Variants in DLEU7 observed in about 807,000 individuals in gnomAD.
The protein encoded by DLEU7 is deleted in lymphocytic leukemia 7.
In DLEU7, 17 loss-of-function variants were observed where a neutral mutation model predicts 16.0. That is an observed-to-expected ratio of 1.06 (90% CI 0.73 to 1.59). DLEU7 has a LOEUF of 1.59. Among genes scored for constraint, DLEU7 ranks in the 40% most tolerant of loss-of-function variants. The probability of loss-of-function intolerance (pLI) is 0.00; values close to 1 mark genes in which losing one functional copy is unlikely to be tolerated. For synonymous variants in DLEU7, 113 were observed against 139.8 expected (o/e 0.81, Z 1.35); for missense variants, 308 against 314.9 (o/e 0.98, Z 0.17).
intron 1 of DLEU7, among the ~76,000 whole-genome samples, chr13:50,830,819 C>G (rs2137808700): frequency 6.6e-6 from 1 of 152,238 alleles, no homozygotes; most frequent in South Asian, 2.1e-4. Context: ...CTCTCCAAGT[C>G]ATTACAAAGA....
At chr13:50,730,033 GA>G (rs997239211) in intron 1 of DLEU7, among the ~76,000 whole-genome samples, 19 of 150,536 alleles carry the variant, frequency 1.3e-4, no homozygotes, top group East Asian at 3.9e-4. Context: ...GAGTAAGCTA[GA>G]AAAAAAAAGA....
At chr13:50,748,373 T>C (rs980650646) in intron 1 of DLEU7, among the ~76,000 whole-genome samples, 2 of 151,874 alleles carry the variant, frequency 1.3e-5, no homozygotes, top group Non-Finnish European at 2.9e-5. Context: ...CCCTGGGTCA[T>C]TGGTAAATTA....
intron 1 of DLEU7, among the ~76,000 whole-genome samples, chr13:50,752,399 T>A (rs1030390530): frequency 2.0e-5 from 3 of 151,274 alleles, no homozygotes; most frequent in African/African-American, 7.3e-5. Context: ...ACTTTCCACT[T>A]AGCACCACCT....
In DLEU7 at chr13:50,726,937, G is replaced by A. The variant is rs1021221636; in HGVS notation, c.460-13697C>T. On this transcript the variant is annotated intron_variant, in intron 1 of 1. Transcript: ENST00000400393. The surrounding 1 kb of genome is among the most constrained non-coding windows in gnomAD (Gnocchi z 4.0). ...ATCAGCAAGAGGCAAGAGGAAAGTG[G>A]GGGCACGGGGAAGGTGAAATTATTT... Among the ~76,000 whole-genome samples, 1 of 152,110 alleles carries A rather than the reference G, an allele frequency of 6.6e-6. No homozygotes were observed. Among genetic ancestry groups the A allele is most frequent in the Admixed American group, 6.5e-5 (1 of 15,274 alleles).
chr13:50,713,348 A>C, intron 1 of DLEU7: 1 of 1,348,710 alleles, frequency 7.4e-7, no homozygotes, highest in Non-Finnish European at 1.0e-6. Flanking sequence ...GAATGGCATT[A>C]GGTACTGGAG....
intron 1 of DLEU7, among the ~76,000 whole-genome samples, chr13:50,781,486 A>G (rs1435836885): frequency 6.6e-6 from 1 of 152,204 alleles, no homozygotes; most frequent in Non-Finnish European, 1.5e-5. Flanking sequence ...CACCGCCAAC[A>G]TCCCTAGACA....
chr13:50,714,059 A>G (rs1375238468), intron 1 of DLEU7, among the ~76,000 whole-genome samples: 1 of 152,236 alleles, frequency 6.6e-6, no homozygotes, highest in Non-Finnish European at 1.5e-5. Flanking sequence ...AAACCACAAA[A>G]CACAGAAAGG....
chr13:50,813,776 CAGTATATTTTAGTCTGAACTCCAGA>C (rs559453431), intron 1 of DLEU7, among the ~76,000 whole-genome samples: 2,703 of 152,030 alleles, frequency 0.018, 38 homozygotes, highest in East Asian at 0.037. Flanking sequence ...ATCAAATAAG[CAGTATATTTTAGTCTGAACTCCAGA>C]AAAATGCATT....
chr13:50,819,923 C>A (rs189849126), downstream of DLEU7, among the ~76,000 whole-genome samples: 3 of 152,100 alleles, frequency 2.0e-5, no homozygotes, highest in East Asian at 5.8e-4. Flanking sequence ...AGAAAAGGAC[C>A]AAAACTGAGC....
intron 1 of DLEU7, among the ~76,000 whole-genome samples, chr13:50,794,823 T>A (rs1202762835): frequency 6.6e-6 from 1 of 152,132 alleles, no homozygotes; most frequent in Non-Finnish European, 1.5e-5. Context: ...TCAAATGACT[T>A]TTATACATGA....
chr13:50,731,280 A>G (rs1460924815), intron 1 of DLEU7, among the ~76,000 whole-genome samples: 3 of 152,048 alleles, frequency 2.0e-5, no homozygotes, highest in Admixed American at 2.0e-4. Flanking sequence ...TCATTCTTTC[A>G]TTGCTTTGCT....
chr13:50,764,561 T>A (rs1875042932), intron 1 of DLEU7, among the ~76,000 whole-genome samples: 1 of 152,258 alleles, frequency 6.6e-6, no homozygotes, highest in Admixed American at 6.5e-5. Flanking sequence ...TAAGTGTTTC[T>A]TAAAACACTT....
At chr13:50,729,658 G>A (rs1873864788) in intron 1 of DLEU7, among the ~76,000 whole-genome samples, 1 of 152,220 alleles carries the variant, frequency 6.6e-6, no homozygotes, top group South Asian at 2.1e-4. Flanking sequence ...TGTAAGCAGA[G>A]TATAAGTGTT....
At chr13:50,794,080 G>C (rs1344716595) in intron 1 of DLEU7, among the ~76,000 whole-genome samples, 2 of 152,004 alleles carry the variant, frequency 1.3e-5, no homozygotes, top group Non-Finnish European at 2.9e-5. Flanking sequence ...GATAGACATG[G>C]TTTAGTTTTT....
At chr13:50,731,993 T>G (rs1448327964) in intron 1 of DLEU7, among the ~76,000 whole-genome samples, 1 of 152,244 alleles carries the variant, frequency 6.6e-6, no homozygotes, top group Non-Finnish European at 1.5e-5. Flanking sequence ...ACTCATACTT[T>G]GCAATATTGC....
chr13:50,803,231 G>A (rs1277621666), intron 1 of DLEU7, among the ~76,000 whole-genome samples: 2 of 152,172 alleles, frequency 1.3e-5, no homozygotes, highest in Non-Finnish European at 2.9e-5. Flanking sequence ...AACCATCAGT[G>A]TGTGAAACGA....
chr13:50,822,244 G>A (rs1876929180), downstream of DLEU7, among the ~76,000 whole-genome samples: 1 of 152,138 alleles, frequency 6.6e-6, no homozygotes, highest in African/African-American at 2.4e-5. Context: ...ATTAGAGTGG[G>A]TGAGATTAAA....
intron 1 of DLEU7, among the ~76,000 whole-genome samples, chr13:50,835,965 G>A (rs1376836872): frequency 6.6e-6 from 1 of 152,192 alleles, no homozygotes; most frequent in Non-Finnish European, 1.5e-5. Context: ...ACCAACACCA[G>A]TGGATAATAA....
intron 1 of DLEU7, among the ~76,000 whole-genome samples, chr13:50,762,042 A>G (rs535224766): frequency 1.1e-4 from 17 of 152,000 alleles, no homozygotes; most frequent in Non-Finnish European, 1.9e-4. Context: ...TACAAAAAAA[A>G]TTAGCCAGGC....
Sources: gnomAD v4.1 joint callset for allele counts (sites outside exome capture counted in the v4.1 genomes callset) on GRCh38, gnomAD v4.1.1 for gene constraint, Gnocchi (gnomAD v3.1) non-coding constraint, MANE v1.5 for transcripts, NCBI Gene and HGNC (gene_info 2026-07-23, HGNC 2026-07-21) for gene names.